Variants in LHFPL2 observed in about 807,000 individuals in gnomAD.
LHFPL2 encodes LHFPL tetraspan subfamily member 2 protein.
LHFPL2 carries 7 observed loss-of-function variants against 17.5 expected under a neutral mutation model. The observed-to-expected ratio is 0.40, with a 90% confidence interval of 0.23 to 0.75. The LOEUF is 0.75. Among genes scored for constraint, LHFPL2 ranks in the 30% least tolerant of loss-of-function variants. LHFPL2 has a pLI of 0.37. For missense variants in LHFPL2, 241 were observed against 294.8 expected (o/e 0.82, Z 1.34); for synonymous variants, 134 against 116.2 (o/e 1.15, Z -0.99).
chr5:78,490,622 C>G (rs1234803800), intron 4 of LHFPL2, among the ~76,000 whole-genome samples: 1 of 151,476 alleles, frequency 6.6e-6, no homozygotes, highest in East Asian at 1.9e-4. Context: ...TGGTGGCACA[C>G]CTGTAGTCCC....
At chr5:78,573,410 A>G (rs1561345342) in intron 2 of LHFPL2, among the ~76,000 whole-genome samples, 1 of 152,250 alleles carries the variant, frequency 6.6e-6, no homozygotes, top group Non-Finnish European at 1.5e-5. Flanking sequence ...GCAACTAACT[A>G]TAGCTTAGCT....
intron 4 of LHFPL2, among the ~76,000 whole-genome samples, chr5:78,498,784 T>C (rs975576128): frequency 8.5e-5 from 13 of 152,206 alleles, no homozygotes; most frequent in Admixed American, 3.3e-4. Context: ...TTAGAATGAA[T>C]GTCTTGGGTA....
At chr5:78,578,685 A>C (rs185472730) in intron 2 of LHFPL2, among the ~76,000 whole-genome samples, 1 of 152,218 alleles carries the variant, frequency 6.6e-6, no homozygotes, top group Admixed American at 6.5e-5. Context: ...AGAGACATGT[A>C]CTTTACCAAG....
intron 2 of LHFPL2, among the ~76,000 whole-genome samples, chr5:78,596,470 T>G (rs776602236): frequency 2.2e-4 from 33 of 152,232 alleles, no homozygotes; most frequent in Non-Finnish European, 4.0e-4. Context: ...AGTCTCACAG[T>G]GCCCAGTTTT....
At chr5:78,498,023 G>T (rs1754659525) in intron 4 of LHFPL2, among the ~76,000 whole-genome samples, 1 of 152,206 alleles carries the variant, frequency 6.6e-6, no homozygotes, top group South Asian at 2.1e-4. Flanking sequence ...GCCAGGAGAG[G>T]AGCAGCACGC....
chr5:78,593,427 G>C (rs1013747425), intron 2 of LHFPL2, among the ~76,000 whole-genome samples: 1 of 152,104 alleles, frequency 6.6e-6, no homozygotes, highest in Non-Finnish European at 1.5e-5. Context: ...GGCCCCAGCT[G>C]TCTCTCCCGA....
chr5:78,584,965 G>T (rs1335037223), intron 2 of LHFPL2, among the ~76,000 whole-genome samples: 8 of 148,684 alleles, frequency 5.4e-5, no homozygotes, highest in East Asian at 2.0e-4. Flanking sequence ...CTCTGAGCCA[G>T]GTGCGGGATA....
intron 2 of LHFPL2, among the ~76,000 whole-genome samples, chr5:78,593,563 C>A (rs2112463719): frequency 6.6e-6 from 1 of 152,262 alleles, no homozygotes; most frequent in Non-Finnish European, 1.5e-5. Context: ...TATGATATAC[C>A]ATTGTGACCA....
Position 78,489,288 on chromosome 5 carries a change from T to A in LHFPL2, c.431-135A>T, listed in dbSNP as rs1754359589. On this transcript the variant is annotated intron_variant, in intron 4 of 4. Transcript: ENST00000380345. ...TGCAATAGAAAGTGTTGGGACTGTT[T>A]CATGCAAACTAATCTGACCTGATCA... is the stretch of plus-strand genomic sequence containing the variant. 1.5e-5 allele frequency: 13 copies of A among 888,266 alleles called. No individual in the cohort carries two copies. The South Asian group carries it at 2.2e-4, about 15-fold the overall frequency. The allele number at this position is 888,266 out of a possible 1,614,324, so 55.0% of individuals were successfully genotyped here. A position where few individuals can be genotyped will look rare whatever the true frequency, so the allele number is the denominator to read the frequency against.
intron 2 of LHFPL2, among the ~76,000 whole-genome samples, chr5:78,569,469 C>T (rs576591127): frequency 2.4e-4 from 36 of 152,324 alleles, no homozygotes; most frequent in Non-Finnish European, 4.6e-4. Context: ...TGCTCCAGAA[C>T]TAGGCTGGTG....
intron 3 of LHFPL2, among the ~76,000 whole-genome samples, chr5:78,552,587 G>T (rs1050027484): frequency 3.9e-5 from 6 of 152,168 alleles, no homozygotes; most frequent in Admixed American, 6.5e-5. Flanking sequence ...TGTACTGAAG[G>T]ATTCTAAGAG....
chr5:78,576,756 T>TTTTG (rs146601165), intron 2 of LHFPL2, among the ~76,000 whole-genome samples: 3,344 of 152,326 alleles, frequency 0.022, 115 homozygotes, highest in African/African-American at 0.077. Flanking sequence ...GACAATCTTT[T>TTTTG]TTTGTTTGTT....
chr5:78,523,477 G>C (rs1755522044), intron 3 of LHFPL2, among the ~76,000 whole-genome samples: 1 of 152,076 alleles, frequency 6.6e-6, no homozygotes, highest in South Asian at 2.1e-4. Flanking sequence ...ATGTACCCTG[G>C]GGATGCTATC....
chr5:78,500,295 G>C, intron 4 of LHFPL2, among the ~76,000 whole-genome samples: 1 of 152,204 alleles, frequency 6.6e-6, no homozygotes. Context: ...CATAGAGCTA[G>C]ATGATCTTTG....
intron 4 of LHFPL2, among the ~76,000 whole-genome samples, chr5:78,509,211 A>G (rs1755026162): frequency 6.6e-6 from 1 of 152,196 alleles, no homozygotes; most frequent in African/African-American, 2.4e-5. Context: ...AGGCTCTAGG[A>G]GACAGACAAT....
chr5:78,575,645 G>T (rs1580821200), intron 2 of LHFPL2, among the ~76,000 whole-genome samples: 1 of 152,190 alleles, frequency 6.6e-6, no homozygotes, highest in East Asian at 1.9e-4. Flanking sequence ...TTTAATGAAT[G>T]TGTCTTTTTA....
chr5:78,633,279 CTT>C (rs1401176420), intron 1 of LHFPL2, among the ~76,000 whole-genome samples: 2 of 152,230 alleles, frequency 1.3e-5, no homozygotes, highest in Non-Finnish European at 2.9e-5. Flanking sequence ...TGAACCACTG[CTT>C]CTGAAGCCCA....
intron 3 of LHFPL2, among the ~76,000 whole-genome samples, chr5:78,528,843 T>C (rs1286433711): frequency 6.6e-6 from 1 of 152,164 alleles, no homozygotes; most frequent in African/African-American, 2.4e-5. Context: ...GTCACAAGCA[T>C]CCACATTCAA....
At chr5:78,528,468 G>C (rs1755685452) in intron 3 of LHFPL2, among the ~76,000 whole-genome samples, 1 of 152,198 alleles carries the variant, frequency 6.6e-6, no homozygotes, top group African/African-American at 2.4e-5. Flanking sequence ...GATGATCTGA[G>C]ATAGTTTCAT....
Sources: allele counts gnomAD v4.1 joint callset (sites outside exome capture counted in the v4.1 genomes callset), GRCh38; gene constraint gnomAD v4.1.1; transcripts MANE v1.5; gene names NCBI Gene and HGNC (gene_info 2026-07-23, HGNC 2026-07-21).